Variants in TTLL9 observed in about 807,000 individuals in gnomAD.
TTLL9 encodes the protein tubulin tyrosine ligase like 9.
Under a neutral mutation model 65.6 loss-of-function variants are expected in TTLL9, and 47 were observed. The observed-to-expected ratio is 0.72, with a 90% CI of 0.57 to 0.91. The LOEUF is 0.91. Ranked by LOEUF, TTLL9 falls within the 40% of genes least tolerant of loss-of-function variation. TTLL9 has a pLI of 0.00. For missense variants in TTLL9, 537 were observed against 568.8 expected, an observed-to-expected ratio of 0.94 and a Z score of 0.57; for synonymous variants, 179 against 204.8, an observed-to-expected ratio of 0.87 and a Z score of 1.07.
chr20:31,882,529 G>T (rs1412306431), intron 2 of TTLL9, among the ~76,000 whole-genome samples: 1 of 152,016 alleles, frequency 6.6e-6, no homozygotes, highest in Non-Finnish European at 1.5e-5. Flanking sequence ...TACCTTCCAT[G>T]AATGGCACCA....
chr20:31,906,331 T>A (rs778407865), intron 4 of TTLL9, among the ~76,000 whole-genome samples: 3 of 152,170 alleles, frequency 2.0e-5, no homozygotes, highest in African/African-American at 4.8e-5. Flanking sequence ...CGTGTGGCAG[T>A]CGATGCTAGC....
chr20:31,933,951 C>T (rs1239674307), intron 11 of TTLL9, 93 bp downstream of exon 11: 3 of 1,316,050 alleles, frequency 2.3e-6, no homozygotes, highest in East Asian at 2.5e-5. Context: ...CAGGACAGGC[C>T]TGTCTGAGCC....
At chr20:31,872,897 G>A (rs73903669) in intron 2 of TTLL9, 2 of 455,300 alleles carry the variant, frequency 4.4e-6, no homozygotes, top group Non-Finnish European at 4.4e-6. Flanking sequence ...CCATGATTGG[G>A]AGTTAAAGTT....
intron 2 of TTLL9, among the ~76,000 whole-genome samples, chr20:31,885,320 A>T (rs1458764231): frequency 6.6e-6 from 1 of 152,248 alleles, no homozygotes; most frequent in Non-Finnish European, 1.5e-5. Flanking sequence ...TTAAGCCAAT[A>T]TGATAGTGAC....
At chr20:31,872,797 CTG>C (rs1169642527) in intron 2 of TTLL9, among the ~76,000 whole-genome samples, 1 of 152,202 alleles carries the variant, frequency 6.6e-6, no homozygotes, top group Non-Finnish European at 1.5e-5. Flanking sequence ...AGCTTGGCCT[CTG>C]TAAAAAGCCA....
At chr20:31,924,678 G>A (rs540729723) in intron 8 of TTLL9, among the ~76,000 whole-genome samples, 1 of 152,160 alleles carries the variant, frequency 6.6e-6, no homozygotes, top group East Asian at 1.9e-4. Context: ...CCATCTCCTG[G>A]GCTCAAGCGA....
At chr20:31,925,896 C>G (rs115055710) in intron 9 of TTLL9, 153 bp from the exon 10 acceptor site, 2 of 1,551,946 alleles carry the variant, frequency 1.3e-6, no homozygotes, top group East Asian at 2.4e-5. Flanking sequence ...GGGCCTGGCT[C>G]TACCGGGATG....
chr20:31,921,730 A>C (rs2063818542), intron 7 of TTLL9, among the ~76,000 whole-genome samples: 1 of 152,072 alleles, frequency 6.6e-6, no homozygotes, highest in East Asian at 1.9e-4. Flanking sequence ...AGGACAGAAA[A>C]CCAAATACCG....
chr20:31,896,845 G>A (rs1322047270), intron 3 of TTLL9, among the ~76,000 whole-genome samples: 5 of 152,098 alleles, frequency 3.3e-5, no homozygotes, highest in African/African-American at 1.2e-4. Context: ...ATTAATTTTT[G>A]AATATTGAAC....
intron 6 of TTLL9, 119 bp downstream of exon 6, chr20:31,910,041 G>A (rs1386869126): frequency 1.1e-6 from 1 of 939,790 alleles, no homozygotes; most frequent in Non-Finnish European, 1.6e-6. Context: ...TTCCCGAAGG[G>A]CCAGCTTTAG....
Position 31,898,548 on chromosome 20 carries a change from A to G in TTLL9, c.189A>G (p.Gly63=), listed in dbSNP as rs1441424604. The part of the protein sequence containing the change: ...TLMDVLRHRP[G]WVEVKDEGEW... ...TGGACGTCCTTCGCCACAGGCCAGG[A>G]TGGGTGGAAGTGAAGGAGTAAGACC... Residue 63 remains glycine, a synonymous_variant, in exon 4 of 15, where the codon GGA becomes GGG. Transcript: ENST00000535842. 6.2e-7 allele frequency: 1 copy of G among 1,614,048 alleles called. No homozygotes were observed. Among genetic ancestry groups the G allele is most frequent in the Non-Finnish European group, 8.5e-7 (1 of 1,180,020 alleles).
chr20:31,879,833 A>C, intron 2 of TTLL9: 1 of 1,549,620 alleles, frequency 6.5e-7, no homozygotes, highest in Non-Finnish European at 8.7e-7. Context: ...ACGCATAAGC[A>C]CGCGAGGCGC....
rs869090935 is a variant in TTLL9 at position 31,873,793 on chromosome 20, A to AAAGGAAGGAAGG, written c.69+2618_69+2629dup. Among the ~76,000 whole-genome samples, 281 of 127,616 alleles carry AAAGGAAGGAAGG rather than the reference A, an allele frequency of 2.2e-3. 2 individuals are homozygous for AAAGGAAGGAAGG. The highest frequency in any genetic ancestry group is 8.0e-3 in the African/African-American group (265 of 33,206). The allele number at this position is 127,616 out of a possible 152,430, so 83.7% of individuals were successfully genotyped here. On this transcript the variant is annotated intron_variant, in intron 2 of 14. Coordinates refer to ENST00000535842, the MANE Select transcript of TTLL9 (RefSeq NM_001008409.5). ...GAGAAAGAAAGAAAGAAAAAGAAAG[A>AAAGGAAGGAAGG]AAGGAAGGAAGGAAGGAAGGAAGGA...
intron 3 of TTLL9, among the ~76,000 whole-genome samples, chr20:31,897,312 A>G (rs952685248): frequency 1.3e-5 from 2 of 152,186 alleles, no homozygotes; most frequent in South Asian, 4.1e-4. Context: ...GTAGGTGTGT[A>G]GAGCTGTTAG....
intron 4 of TTLL9, among the ~76,000 whole-genome samples, chr20:31,900,245 G>C (rs189804414): frequency 6.6e-6 from 1 of 152,134 alleles, no homozygotes; most frequent in Admixed American, 6.6e-5. Context: ...CTAACATTTC[G>C]CATGCATGAT....
intron 2 of TTLL9, among the ~76,000 whole-genome samples, chr20:31,872,799 G>A (rs148040545): frequency 1.8e-3 from 279 of 152,362 alleles, no homozygotes; most frequent in African/African-American, 5.8e-3. Context: ...CTTGGCCTCT[G>A]TAAAAAGCCA....
intron 12 of TTLL9, among the ~76,000 whole-genome samples, chr20:31,935,162 G>T (rs1009591929): frequency 3.3e-5 from 5 of 151,122 alleles, no homozygotes; most frequent in African/African-American, 1.2e-4. Context: ...CTGATCATCT[G>T]CTGAGTCAGG....
intron 4 of TTLL9, among the ~76,000 whole-genome samples, chr20:31,900,827 G>A (rs2063467490): frequency 6.6e-6 from 1 of 152,174 alleles, no homozygotes; most frequent in African/African-American, 2.4e-5. Flanking sequence ...CCCATCTGCT[G>A]TGTGACCTCT....
rs941651120 is a variant in TTLL9, at chr20:31,940,159, C to T, written c.1243+893C>T. The T allele has an allele frequency of 1.1e-4, 16 of 152,264 alleles. No homozygotes were observed. The East Asian group carries it at 2.5e-3, about 24-fold the overall frequency. The allele number at this position is 152,264 out of a possible 1,614,324, so 9.4% of individuals were successfully genotyped here. On this transcript the variant is annotated intron_variant, in intron 14 of 14. Coordinates refer to ENST00000535842, the MANE Select transcript of TTLL9 (RefSeq NM_001008409.5). ...TTGGGCCAAAGGGATGGGATTATTA[C>T]AACCAAATTTCTTTCCAGAAAGATT...
Sources: allele counts gnomAD v4.1 joint callset (sites outside exome capture counted in the v4.1 genomes callset), GRCh38; gene constraint gnomAD v4.1.1; transcripts MANE v1.5; gene names NCBI Gene and HGNC (gene_info 2026-07-23, HGNC 2026-07-21).